FBRSL1: variants seen among roughly 807,000 people sequenced by gnomAD.
The protein encoded by FBRSL1 is fibrosin like 1.
In FBRSL1, 51 loss-of-function variants were observed where a neutral mutation model predicts 89.6. That is an observed-to-expected ratio of 0.57 (90% CI 0.45 to 0.72). The LOEUF (loss-of-function observed/expected upper bound fraction) is 0.72, where lower values mean the gene tolerates loss of function less well. Among genes scored for constraint, FBRSL1 ranks in the 30% least tolerant of loss-of-function variants. The probability of loss-of-function intolerance (pLI) is 0.00; values close to 1 mark genes in which losing one functional copy is unlikely to be tolerated. For missense variants in FBRSL1, 1,618 were observed against 1,451.8 expected (o/e 1.11, Z -1.86); for synonymous variants, 779 against 681.1 (o/e 1.14, Z -2.24).
At chr12:132,522,553 G>A (rs1305639843) in intron 2 of FBRSL1, among the ~76,000 whole-genome samples, 3 of 152,186 alleles carry the variant, frequency 2.0e-5, no homozygotes, top group Non-Finnish European at 2.9e-5. Context: ...ATTTGAAGCC[G>A]GCTGTTAAAC....
At position 132,525,717 on chromosome 12, in the gene FBRSL1, G is replaced by A; in HGVS notation, c.490-17G>A. The A allele has an allele frequency of 6.5e-7, 1 of 1,542,018 alleles. No individual in the cohort carries two copies. Among genetic ancestry groups the A allele is most frequent in the South Asian group, 1.2e-5 (1 of 83,922 alleles). On this transcript the variant is annotated splice_polypyrimidine_tract_variant and intron_variant, in intron 2 of 18. Coordinates refer to ENST00000680143, the MANE Select transcript of FBRSL1 (RefSeq NM_001367871.1). ...GAGGTGGGGGTTTGCCTGAGACAGT[G>A]TCTCTCTCTGTCCCAGATGAAGGTC...
At chr12:132,500,224 C>G (rs748911240) in intron 1 of FBRSL1, among the ~76,000 whole-genome samples, 1 of 152,178 alleles carries the variant, frequency 6.6e-6, no homozygotes, top group African/African-American at 2.4e-5. Flanking sequence ...GCCACCTTCC[C>G]TCTGTTGAGA....
intron 5 of FBRSL1, among the ~76,000 whole-genome samples, chr12:132,558,076 C>A (rs1477926906): frequency 2.6e-5 from 4 of 151,600 alleles, no homozygotes; most frequent in Non-Finnish European, 5.9e-5. Flanking sequence ...CTGGACCCCC[C>A]ATGGACAGAA....
At chr12:132,516,845 C>T (rs1201833065) in intron 2 of FBRSL1, among the ~76,000 whole-genome samples, 1 of 152,220 alleles carries the variant, frequency 6.6e-6, no homozygotes, top group Admixed American at 6.5e-5. Context: ...TTCTGGGCCT[C>T]AGTTTTCCTG....
chr12:132,524,421 G>A (rs201688122), intron 2 of FBRSL1, among the ~76,000 whole-genome samples: 1 of 152,250 alleles, frequency 6.6e-6, no homozygotes, highest in African/African-American at 2.4e-5. Context: ...CACTGGCACC[G>A]TCTGCCTTGT....
At position 132,574,489 on chromosome 12, in the gene FBRSL1, G is replaced by C; in HGVS notation, c.1630-4G>C. The C allele has an allele frequency of 4.5e-6, 7 of 1,549,960 alleles. No individual in the cohort carries two copies. The highest frequency in any genetic ancestry group is 6.1e-6 in the Non-Finnish European group (7 of 1,146,674). On this transcript the variant is annotated splice_region_variant and splice_polypyrimidine_tract_variant and intron_variant, in intron 13 of 18. Coordinates refer to ENST00000680143, the MANE Select transcript of FBRSL1 (RefSeq NM_001367871.1). ...CCCCACTGAGCGCTTCCATCCTGTC[G>C]CAGAAGCCGGGGAGGTGGTGTGCCG...
chr12:132,518,467 CTGTCCATCCATCCACCCATG>C lies in FBRSL1; in HGVS notation c.490-7256_490-7237del, dbSNP rs2035046023. 2.6e-5 allele frequency among the ~76,000 whole-genome samples: 4 copies of C among 151,306 alleles called. No individual in the cohort carries two copies. In the South Asian group the frequency reaches 8.4e-4, roughly 32 times the overall value. ...GTATCTCATCCATCCATCCACCCGT[CTGTCCATCCATCCACCCATG>C]TGTCCATCCACCCATCTGTCCATCC... On this transcript the variant is annotated intron_variant, in intron 2 of 18. Coordinates refer to ENST00000680143, the MANE Select transcript of FBRSL1 (RefSeq NM_001367871.1).
At chr12:132,510,329 G>A (rs1403271723) in intron 2 of FBRSL1, 1 of 1,230,654 alleles carries the variant, frequency 8.1e-7, no homozygotes. Context: ...CGGCCCGTCA[G>A]CCCCGGCTCT....
chr12:132,525,155 G>A (rs1034216000), intron 2 of FBRSL1, among the ~76,000 whole-genome samples: 17 of 152,350 alleles, frequency 1.1e-4, no homozygotes, highest in Middle Eastern at 3.4e-3. Context: ...AGTGGCCCAA[G>A]GGCCCATGGC....
chr12:132,569,922 G>A lies in FBRSL1; in HGVS notation c.692-4G>A. 1 of 1,395,638 alleles carries A rather than the reference G, an allele frequency of 7.2e-7. No homozygotes were observed. Among genetic ancestry groups the A allele is most frequent in the East Asian group, 2.9e-5 (1 of 34,958 alleles). 86.5% of individuals were successfully genotyped at this position (1,395,638 alleles called of 1,614,324 possible). A position where few individuals can be genotyped will look rare whatever the true frequency, so the allele number is the denominator to read the frequency against. On this transcript the variant is annotated splice_polypyrimidine_tract_variant and splice_region_variant and intron_variant, in intron 6 of 18. Transcript: ENST00000680143. Reference sequence around the variant, plus strand: ...GTCTGAACGCAGCCACCCTCTCTCTGCAGGCCCAGCGCTTGAGAAGTCGGA... The same window carrying A: ...GTCTGAACGCAGCCACCCTCTCTCTACAGGCCCAGCGCTTGAGAAGTCGGA...
rs1156517659 is a variant in FBRSL1 at position 132,530,719 on chromosome 12, G to C, written c.615+2731G>C. 1.4e-5 allele frequency among the ~76,000 whole-genome samples: 2 copies of C among 143,276 alleles called. 1 individual carries two copies. The highest frequency in any genetic ancestry group is 4.8e-4 in the South Asian group (2 of 4,160). The allele number at this position is 143,276 out of a possible 152,430, so 94.0% of individuals were successfully genotyped here. On this transcript the variant is annotated intron_variant, in intron 4 of 18. Coordinates refer to ENST00000680143, the MANE Select transcript of FBRSL1 (RefSeq NM_001367871.1). Reference sequence around the variant, plus strand: ...CAAGTGACAGATGGCGGGGTGGGGGGTGGGGCTGGGGGGTGGGGGGAGGGG... The same window carrying C: ...CAAGTGACAGATGGCGGGGTGGGGGCTGGGGCTGGGGGGTGGGGGGAGGGG...
At chr12:132,571,657 G>A (rs577501664) in intron 9 of FBRSL1, 90 of 587,888 alleles carry the variant, frequency 1.5e-4, no homozygotes, top group Middle Eastern at 1.1e-3. Flanking sequence ...CCTCTCTGTC[G>A]TCTGTCCGGT....
intron 5 of FBRSL1, chr12:132,552,024 A>G (rs1015051561): frequency 1.2e-5 from 3 of 256,338 alleles, no homozygotes; most frequent in Non-Finnish European, 2.4e-5. Context: ...TGGAAGGGGC[A>G]GGGCTGGGGG....
At chr12:132,514,927 T>C (rs892584109) in intron 2 of FBRSL1, among the ~76,000 whole-genome samples, 3 of 152,228 alleles carry the variant, frequency 2.0e-5, no homozygotes, top group Non-Finnish European at 4.4e-5. Flanking sequence ...TCTTTTTTAC[T>C]CTTTTTTTTG....
At chr12:132,535,908 T>A (rs1315353261) in intron 4 of FBRSL1, among the ~76,000 whole-genome samples, 1 of 148,816 alleles carries the variant, frequency 6.7e-6, no homozygotes, top group Non-Finnish European at 1.5e-5. Context: ...TGAGTGCACG[T>A]GTGTCCATGA....
chr12:132,550,384 G>A (rs1000730274), intron 5 of FBRSL1, among the ~76,000 whole-genome samples: 2 of 152,178 alleles, frequency 1.3e-5, no homozygotes, highest in Admixed American at 6.5e-5. Context: ...TTCTGGCTGC[G>A]GCAAGGTCTG....
At chr12:132,521,186 C>A (rs2035317930) in intron 2 of FBRSL1, among the ~76,000 whole-genome samples, 1 of 152,224 alleles carries the variant, frequency 6.6e-6, no homozygotes, top group South Asian at 2.1e-4. Context: ...GGGCCAGGAG[C>A]CATGTTCTAG....
intron 5 of FBRSL1, among the ~76,000 whole-genome samples, 164 bp from the exon 6 acceptor site, chr12:132,567,317 C>G (rs2039694394): frequency 6.6e-6 from 1 of 152,224 alleles, no homozygotes; most frequent in Non-Finnish European, 1.5e-5. Context: ...ATGCGTGGAG[C>G]TCAGGACTAA....
intron 5 of FBRSL1, chr12:132,553,210 G>A (rs2078344448): frequency 6.6e-6 from 1 of 152,524 alleles, no homozygotes; most frequent in African/African-American, 2.4e-5. Flanking sequence ...GGGGAACGTG[G>A]GCCAGGACTC....
Sources: gnomAD v4.1 joint callset for allele counts (sites outside exome capture counted in the v4.1 genomes callset) on GRCh38, gnomAD v4.1.1 for gene constraint, MANE v1.5 for transcripts, NCBI Gene and HGNC (gene_info 2026-07-23, HGNC 2026-07-21) for gene names.